The following BCL2L14 variants were observed in gnomAD, a reference collection of about 807,000 sequenced individuals.
BCL2L14 encodes BCL2 like 14, also known as apoptosis facilitator Bcl-2-like protein 14.
BCL2L14 carries 27 observed loss-of-function variants against 35.3 expected under a neutral mutation model. That is an observed-to-expected ratio of 0.76 (90% CI 0.56 to 1.05). BCL2L14 has a LOEUF of 1.05. Ranked by LOEUF, BCL2L14 falls within the 50% of genes least tolerant of loss-of-function variation. The pLI, the probability that BCL2L14 is intolerant of heterozygous loss-of-function variation, is 0.00. For synonymous variants in BCL2L14, 139 were observed against 145.9 expected (o/e 0.95, Z 0.34); for missense variants, 377 against 382.6 (o/e 0.99, Z 0.12).
chr12:12,079,241 C>T, intron 1 of BCL2L14, 58 bp from the exon 2 acceptor site: 1 of 1,432,186 alleles, frequency 7.0e-7, no homozygotes, highest in Non-Finnish European at 9.6e-7. Context: ...TCTCTCCTAA[C>T]CTGCAAAGGG....
At chr12:12,075,662 T>G (rs959181038) in intron 1 of BCL2L14, among the ~76,000 whole-genome samples, 3 of 150,696 alleles carry the variant, frequency 2.0e-5, no homozygotes, top group African/African-American at 7.3e-5. Flanking sequence ...CGACCTCTGG[T>G]GAACTACCCG....
Position 12,060,194 on chromosome 12 carries a change from G to GCA in BCL2L14, c.-272+8347_-272+8348insCA, listed in dbSNP as rs1948500993. Among the ~76,000 whole-genome samples the GCA allele has an allele frequency of 4.0e-5, 6 of 151,104 alleles. No homozygotes were observed. In the South Asian group the frequency reaches 8.4e-4, roughly 21 times the overall value. On this transcript the variant is annotated intron_variant, in intron 2 of 3. Transcript: ENST00000461264. ...GGTCCGGCTTACAGTTTCGTTCCAT[G>GCA]ACTAGCCCTCCCCCTCCTGCCCAGC... is the stretch of plus-strand genomic sequence containing the variant.
At chr12:12,090,890 C>T (rs1040805717) in intron 4 of BCL2L14, 41 bp downstream of exon 4, 1 of 1,480,796 alleles carries the variant, frequency 6.8e-7, no homozygotes, top group Admixed American at 1.8e-5. Context: ...TTTCTGTGCC[C>T]ATGCACTAGT....
At chr12:12,076,547 G>C (rs73289709) in intron 1 of BCL2L14, among the ~76,000 whole-genome samples, 3 of 151,508 alleles carry the variant, frequency 2.0e-5, no homozygotes, top group South Asian at 2.1e-4. Context: ...TTGTATAATT[G>C]TATCTGTGTA....
intron 2 of BCL2L14, among the ~76,000 whole-genome samples, chr12:12,064,754 C>T (rs1291582042): frequency 2.0e-5 from 3 of 152,228 alleles, no homozygotes; most frequent in Non-Finnish European, 4.4e-5. Context: ...ATCACCGTGG[C>T]TTCCTTTGAC....
upstream of BCL2L14, among the ~76,000 whole-genome samples, chr12:12,070,087 T>G (rs923545066): frequency 6.6e-6 from 1 of 152,246 alleles, no homozygotes; most frequent in African/African-American, 2.4e-5. Flanking sequence ...AACTGTTTCC[T>G]ATTTCATATA....
At position 12,079,690 on chromosome 12, in the gene BCL2L14, C is replaced by T; in HGVS notation, c.385C>T (p.Gln129Ter). 6.2e-7 allele frequency: 1 copy of T among 1,614,210 alleles called. No individual in the cohort carries two copies. Among genetic ancestry groups the T allele is most frequent in the Non-Finnish European group, 8.5e-7 (1 of 1,180,048 alleles). ...GGAATACCAAGATTCGCACAGCCAG[C>T]AGTGGTCCAGGTGTCTTTCTAACGT... ...TLEYQDSHSQ[Q>*]WSRCLSNVEQ... Residue 129 changes from glutamine (Q) to a stop codon, truncating the protein, a stop_gained, in exon 2 of 6, where the codon CAG (glutamine) becomes TAG (stop). Transcript: ENST00000308721. LOFTEE classifies it high-confidence loss of function.
intron 3 of BCL2L14, among the ~76,000 whole-genome samples, 191 bp from the exon 4 acceptor site, chr12:12,090,588 G>A (rs879340306): frequency 1.1e-4 from 16 of 151,052 alleles, no homozygotes; most frequent in Non-Finnish European, 2.1e-4. Context: ...AGGCAAGATC[G>A]CACCATTGCA....
chr12:12,085,837 A>G (rs2136762622), intron 2 of BCL2L14, among the ~76,000 whole-genome samples: 1 of 152,260 alleles, frequency 6.6e-6, no homozygotes, highest in South Asian at 2.1e-4. Context: ...TCTTACCTCC[A>G]GTGCTGTACA....
At chr12:12,070,450 C>T (rs532153520), upstream of BCL2L14, among the ~76,000 whole-genome samples, 53 of 152,130 alleles carry the variant, frequency 3.5e-4, no homozygotes, top group Non-Finnish European at 6.9e-4. Context: ...TTTGGGAGGC[C>T]GAGGAGGGCA....
chr12:12,083,421 G>C (rs1948971532), intron 2 of BCL2L14, among the ~76,000 whole-genome samples: 1 of 152,170 alleles, frequency 6.6e-6, no homozygotes, highest in Non-Finnish European at 1.5e-5. Flanking sequence ...AATAACACCA[G>C]TTTTAAAGAC....
intron 2 of BCL2L14, among the ~76,000 whole-genome samples, chr12:12,053,854 T>G (rs1948393512): frequency 6.6e-6 from 1 of 152,224 alleles, no homozygotes; most frequent in South Asian, 2.1e-4. Flanking sequence ...TGAGCCACTC[T>G]TAAGCCAGGT....
intron 3 of BCL2L14, 118 bp from the exon 4 acceptor site, chr12:12,090,659 AAG>A: frequency 1.6e-6 from 1 of 627,880 alleles, no homozygotes; most frequent in Non-Finnish European, 2.6e-6. Flanking sequence ...AAAAAAAAAA[AAG>A]AATTAGCATG....
At chr12:12,067,015 C>T (rs1948602401), upstream of BCL2L14, among the ~76,000 whole-genome samples, 1 of 151,954 alleles carries the variant, frequency 6.6e-6, no homozygotes, top group African/African-American at 2.4e-5. Flanking sequence ...TGGTGACAAA[C>T]AAAACATTTA....
chr12:12,085,039 G>A (rs2448054), intron 2 of BCL2L14, among the ~76,000 whole-genome samples: 31,030 of 147,314 alleles, frequency 0.21, 3,757 homozygotes, highest in Middle Eastern at 0.28. Flanking sequence ...AGCCGAGATC[G>A]TGCCATTGCA....
chr12:12,084,359 A>G (rs1948993735), intron 2 of BCL2L14, among the ~76,000 whole-genome samples: 1 of 152,192 alleles, frequency 6.6e-6, no homozygotes, highest in South Asian at 2.1e-4. Flanking sequence ...TAGTTTGTTC[A>G]GCTGGGTTCA....
chr12:12,079,587 A>C lies in BCL2L14; in HGVS notation c.282A>C (p.Lys94Asn). 6.2e-7 allele frequency: 1 copy of C among 1,614,228 alleles called. No individual in the cohort carries two copies. The highest frequency in any genetic ancestry group is 8.5e-7 in the Non-Finnish European group (1 of 1,180,038). The change falls in exon 2 of 6, where the codon AAA becomes AAC. Residue 94 changes from lysine (K) to asparagine (N), a missense_variant. Transcript: ENST00000308721. ...INLGKKKSSW[K>N]AFFGVVEKED... ...TTGGCAAGAAAAAGTCTTCTTGGAAAGCATTCTTTGGAGTAGTGGAGAAGG... is the reference window on the plus strand; with the variant it reads ...TTGGCAAGAAAAAGTCTTCTTGGAACGCATTCTTTGGAGTAGTGGAGAAGG...
At chr12:12,081,043 C>T (rs1948911021) in intron 2 of BCL2L14, among the ~76,000 whole-genome samples, 1 of 152,036 alleles carries the variant, frequency 6.6e-6, no homozygotes, top group African/African-American at 2.4e-5. Context: ...AAAAATTAGT[C>T]AGACATGGTG....
chr12:12,073,146 A>T (rs1948703840), intron 1 of BCL2L14, among the ~76,000 whole-genome samples: 3 of 152,160 alleles, frequency 2.0e-5, no homozygotes, highest in Admixed American at 2.0e-4. Flanking sequence ...AAGTGCTGGG[A>T]TTACAGGCGT....
Sources: allele counts gnomAD v4.1 joint callset (sites outside exome capture counted in the v4.1 genomes callset), GRCh38; gene constraint gnomAD v4.1.1; transcripts MANE v1.5; gene names NCBI Gene and HGNC (gene_info 2026-07-23, HGNC 2026-07-21).